The following RET variants were observed in gnomAD, a reference collection of about 807,000 sequenced individuals.
RET encodes proto-oncogene tyrosine-protein kinase receptor Ret.
RET carries 19 observed loss-of-function variants against 118.3 expected under a neutral mutation model. That is an observed-to-expected ratio of 0.16 (90% CI 0.11 to 0.24). The LOEUF is 0.24. Among genes scored for constraint, RET ranks in the 10% least tolerant of loss-of-function variants. The pLI, the probability that RET is intolerant of heterozygous loss-of-function variation, is 1.00. For missense variants in RET, 1,219 were observed against 1,502.1 expected (o/e 0.81, Z 3.12); for synonymous variants, 597 against 644.1 (o/e 0.93, Z 1.11).
chr10:43,113,826 C>T (rs764458170), intron 10 of RET, 151 bp downstream of exon 10: 5 of 1,177,404 alleles, frequency 4.2e-6, no homozygotes, highest in Non-Finnish European at 4.7e-6. Context: ...TGTTACTCCA[C>T]CCAGGAGAGG....
intron 6 of RET, among the ~76,000 whole-genome samples, chr10:43,110,288 G>T (rs1837886815): frequency 6.6e-6 from 1 of 152,198 alleles, no homozygotes; most frequent in Non-Finnish European, 1.5e-5. Context: ...TTTCTCCCCA[G>T]TTTGTAAAGC....
chr10:43,090,355 C>T (rs1013077093), intron 1 of RET, among the ~76,000 whole-genome samples: 4 of 152,176 alleles, frequency 2.6e-5, no homozygotes, highest in African/African-American at 7.2e-5. Flanking sequence ...GCCCGGGAGC[C>T]TCTTGGGTTG....
In RET at chr10:43,095,921, G is replaced by T. The variant is rs150466061; in HGVS notation, c.74-4538G>T. ...CCTGAGGAACCAGAACCACGGTGGCGGGGGTCATTGAGGGTTGATGTGGGA... is the reference window on the plus strand; with the variant it reads ...CCTGAGGAACCAGAACCACGGTGGCTGGGGTCATTGAGGGTTGATGTGGGA... On this transcript the variant is annotated intron_variant, in intron 1 of 19. Coordinates refer to ENST00000355710, the MANE Select transcript of RET (RefSeq NM_020975.6). Among the ~76,000 whole-genome samples, 171 of 152,308 alleles carry T rather than the reference G, an allele frequency of 1.1e-3. 1 individual carries two copies. Among genetic ancestry groups the T allele is most frequent in the Non-Finnish European group, 1.7e-3 (115 of 68,022 alleles).
intron 2 of RET, 142 bp from the exon 3 acceptor site, chr10:43,102,200 A>C: frequency 9.9e-7 from 1 of 1,012,650 alleles, no homozygotes; most frequent in Non-Finnish European, 1.5e-6. Flanking sequence ...GGTGGCAGGC[A>C]GAGCTGGAAC....
At chr10:43,104,845 G>A in intron 3 of RET, 107 bp from the exon 4 acceptor site, 3 of 1,487,250 alleles carry the variant, frequency 2.0e-6, no homozygotes, top group Non-Finnish European at 1.8e-6. Flanking sequence ...GCCTGGGGCC[G>A]CGGCGGTGTG....
intron 19 of RET, chr10:43,127,057 C>T (rs993349353): frequency 2.4e-6 from 3 of 1,241,996 alleles, no homozygotes; most frequent in African/African-American, 1.5e-5. Context: ...AGTCATAGTA[C>T]TTCTACTTTA....
At chr10:43,091,928 A>G (rs1837420777) in intron 1 of RET, among the ~76,000 whole-genome samples, 1 of 152,082 alleles carries the variant, frequency 6.6e-6, no homozygotes, top group Non-Finnish European at 1.5e-5. Flanking sequence ...GGAGAACAGC[A>G]GGAAGGCTCC....
At chr10:43,122,914 T>C (rs1838249849) in intron 16 of RET, among the ~76,000 whole-genome samples, 1 of 152,202 alleles carries the variant, frequency 6.6e-6, no homozygotes, top group Admixed American at 6.5e-5. Flanking sequence ...CTGGCCAACA[T>C]GTGCATCTTA....
intron 1 of RET, among the ~76,000 whole-genome samples, chr10:43,079,568 A>G (rs1837132486): frequency 6.6e-6 from 1 of 152,206 alleles, no homozygotes; most frequent in African/African-American, 2.4e-5. Flanking sequence ...CCCAGGTCCC[A>G]GGCTGACCCT....
rs117866840 is a variant in RET, at chr10:43,095,397, C to T, written c.74-5062C>T. ...GCCTGTCCCAGCATCTCTCCAAAGC[C>T]CTCCACCGATGAAGCTTGGCCTTGT... On this transcript the variant is annotated intron_variant, in intron 1 of 19. Coordinates refer to ENST00000355710, the MANE Select transcript of RET (RefSeq NM_020975.6). Among the ~76,000 whole-genome samples the T allele has an allele frequency of 4.3e-4, 66 of 152,280 alleles. No homozygotes were observed. The East Asian group carries it at 0.012, about 28-fold the overall frequency.
At chr10:43,077,951 A>C (rs3123717) in intron 1 of RET, among the ~76,000 whole-genome samples, 57,127 of 152,118 alleles carry the variant, frequency 0.38, 10,866 homozygotes, top group Admixed American at 0.42. Context: ...CCGCCGTGAT[A>C]GGCGTCCCAC....
intron 15 of RET, 125 bp from the exon 16 acceptor site, chr10:43,121,821 C>T: frequency 2.6e-6 from 2 of 769,724 alleles, no homozygotes; most frequent in Non-Finnish European, 4.8e-6. Flanking sequence ...AGTTCTGTGC[C>T]CAGGAGTGTC....
intron 15 of RET, among the ~76,000 whole-genome samples, 166 bp downstream of exon 15, chr10:43,120,369 A>G (rs1183541329): frequency 6.6e-6 from 1 of 152,132 alleles, no homozygotes; most frequent in Non-Finnish European, 1.5e-5. Flanking sequence ...CAAGGACCCA[A>G]TTAGAACTCC....
Position 43,102,625 on chromosome 10 carries a change from G to A in RET, c.621G>A (p.Leu207=), listed in dbSNP as rs1343290853. 6.2e-7 allele frequency: 1 copy of A among 1,614,078 alleles called. No homozygotes were observed. Among genetic ancestry groups the A allele is most frequent in the Non-Finnish European group, 8.5e-7 (1 of 1,180,052 alleles). The change falls in exon 3 of 20, where the codon CTG becomes CTA. Residue 207 remains leucine, a synonymous_variant. Coordinates refer to ENST00000355710, the MANE Select transcript of RET (RefSeq NM_020975.6). ...CPNISVAYRL[L]EGEGLPFRCA... ...ACATCAGCGTGGCCTACAGGCTCCT[G>A]GAGGGTGAGTGCCGACCTTGTGGGG...
chr10:43,097,890 A>G (rs1837555527), intron 1 of RET, among the ~76,000 whole-genome samples: 1 of 150,990 alleles, frequency 6.6e-6, no homozygotes. Flanking sequence ...TCAAGCAGCA[A>G]CCGTCTGGGT....
At chr10:43,115,354 G>A (rs1838047622) in intron 11 of RET, among the ~76,000 whole-genome samples, 1 of 152,216 alleles carries the variant, frequency 6.6e-6, no homozygotes, top group Non-Finnish European at 1.5e-5. Context: ...TCTCAGGCTG[G>A]GAGGTGGCCT....
chr10:43,108,349 T>C (rs548812229), intron 5 of RET, among the ~76,000 whole-genome samples: 1 of 152,238 alleles, frequency 6.6e-6, no homozygotes, highest in Admixed American at 6.5e-5. Context: ...AATGTTATGG[T>C]TTGTAGGGTG....
intron 1 of RET, among the ~76,000 whole-genome samples, chr10:43,079,220 C>G (rs566847098): frequency 1.3e-5 from 2 of 152,142 alleles, no homozygotes; most frequent in Non-Finnish European, 2.9e-5. Context: ...CACACTCCTG[C>G]CCCTTCTCAC....
intron 16 of RET, among the ~76,000 whole-genome samples, chr10:43,122,980 G>C (rs560000078): frequency 6.3e-4 from 96 of 152,336 alleles, no homozygotes; most frequent in African/African-American, 2.1e-3. Flanking sequence ...TATATAAGCT[G>C]ACTGTAGGCT....
Sources: gnomAD v4.1 joint callset for allele counts (sites outside exome capture counted in the v4.1 genomes callset) on GRCh38, gnomAD v4.1.1 for gene constraint, MANE v1.5 for transcripts, NCBI Gene and HGNC (gene_info 2026-07-23, HGNC 2026-07-21) for gene names.